Variants in ERCC1 observed in about 807,000 individuals in gnomAD.
The protein encoded by ERCC1 is ERCC excision repair 1, endonuclease non-catalytic subunit.
In ERCC1, 36 loss-of-function variants were observed where a neutral mutation model predicts 37.6. The ratio of observed to expected loss-of-function variants is 0.96; its 90% CI spans 0.73 to 1.26. The LOEUF is 1.26. Among genes scored for constraint, ERCC1 ranks in the 50% most tolerant of loss-of-function variants. The pLI is 0.00. For missense variants in ERCC1, 349 were observed against 376.5 expected (o/e 0.93, Z 0.60); for synonymous variants, 156 against 162.1 (o/e 0.96, Z 0.28).
chr19:45,416,728 G>T, intron 6 of ERCC1, 93 bp downstream of exon 6: 1 of 903,046 alleles, frequency 1.1e-6, no homozygotes, highest in South Asian at 1.4e-5. Context: ...GCCCACACAG[G>T]AAGGAGAAGG....
intron 5 of ERCC1, among the ~76,000 whole-genome samples, chr19:45,417,338 G>A (rs1170681563): frequency 6.6e-6 from 1 of 152,140 alleles, no homozygotes; most frequent in African/African-American, 2.4e-5. Context: ...CCAGGGCTGC[G>A]ATGTGGGAGC....
At chr19:45,427,239 T>C (rs997757508), upstream of ERCC1, among the ~76,000 whole-genome samples, 5 of 152,082 alleles carry the variant, frequency 3.3e-5, no homozygotes, top group Admixed American at 1.3e-4. Flanking sequence ...TTAGAAGATA[T>C]AGGGGCCAGG....
At chr19:45,426,592 C>G (rs569394389), upstream of ERCC1, among the ~76,000 whole-genome samples, 1 of 150,994 alleles carries the variant, frequency 6.6e-6, no homozygotes, top group African/African-American at 2.4e-5. Context: ...AGGTCTTGAT[C>G]TATTGCCCAG....
intron 9 of ERCC1, chr19:45,413,443 A>G (rs1289066579): frequency 3.9e-6 from 3 of 774,622 alleles, no homozygotes; most frequent in Non-Finnish European, 6.5e-6. Context: ...ATGCCCAGCT[A>G]GTTTTTTTTA....
rs371196003 is a variant in ERCC1, at chr19:45,414,963, G to A, written c.603-3C>T. 1.3e-5 allele frequency: 21 copies of A among 1,610,232 alleles called. No homozygotes were observed. Among genetic ancestry groups the A allele is most frequent in the Admixed American group, 5.0e-5 (3 of 59,968 alleles). ...GGTACCGCCCAGCTTCCTCGGGGCT[G>A]GGATAACAGGATACAGGGCAGCCGG... On this transcript the variant is annotated splice_polypyrimidine_tract_variant and splice_region_variant and intron_variant, in intron 6 of 9. Transcript: ENST00000300853.
intron 9 of ERCC1, among the ~76,000 whole-genome samples, chr19:45,412,151 G>A (rs1197859597): frequency 2.8e-5 from 4 of 142,498 alleles, no homozygotes; most frequent in Non-Finnish European, 6.1e-5. Flanking sequence ...GAGCCACCAT[G>A]CCCGGCCTAT....
rs1326872098 is a variant in ERCC1 at position 45,409,514 on chromosome 19, A to G, written c.*161T>C. The G allele has an allele frequency of 3.8e-6, 6 of 1,594,182 alleles. No homozygotes were observed. Among genetic ancestry groups the G allele is most frequent in the Non-Finnish European group, 5.1e-6 (6 of 1,171,224 alleles). ...GCAGCCTGTGTAGTCTGCCCCCGGGAAACTGAGGAACTAAAGAAAGCTGAA... is the reference window on the plus strand; with the variant it reads ...GCAGCCTGTGTAGTCTGCCCCCGGGGAACTGAGGAACTAAAGAAAGCTGAA... On this transcript the variant is annotated 3_prime_UTR_variant, in exon 10 of 10. Coordinates refer to ENST00000300853, the MANE Select transcript of ERCC1 (RefSeq NM_001983.4).
chr19:45,431,982 A>AT (rs1974844748), intron 1 of ERCC1, among the ~76,000 whole-genome samples: 1 of 151,748 alleles, frequency 6.6e-6, no homozygotes, highest in Non-Finnish European at 1.5e-5. Context: ...TTATTTTTTT[A>AT]TTTTTTTGAG....
chr19:45,444,644 A>C (rs1033911775), intron 1 of ERCC1, among the ~76,000 whole-genome samples: 1 of 152,222 alleles, frequency 6.6e-6, no homozygotes, highest in African/African-American at 2.4e-5. Flanking sequence ...ATTCGGAGAC[A>C]TGCGTGGAGG....
In ERCC1 at chr19:45,409,568, C is replaced by T. The variant is rs1367422239; in HGVS notation, c.*107G>A. ...GCCCACCTGGGCCACCAGAAGGTGA[C>T]ACCCCCAGAATCCCTCCCCAGAGAC... On this transcript the variant is annotated 3_prime_UTR_variant, in exon 10 of 10. Coordinates refer to ENST00000300853, the MANE Select transcript of ERCC1 (RefSeq NM_001983.4). 1 of 1,573,134 alleles carries T rather than the reference C, an allele frequency of 6.4e-7. No homozygotes were observed. Among genetic ancestry groups the T allele is most frequent in the Non-Finnish European group, 8.6e-7 (1 of 1,159,338 alleles).
rs1039161230 is a variant in ERCC1, at chr19:45,413,889, G to A, written c.774+74C>T. 5.1e-6 allele frequency: 8 copies of A among 1,574,532 alleles called. No individual in the cohort carries two copies. In the Middle Eastern group the frequency reaches 6.7e-4, roughly 132 times the overall value. On this transcript the variant is annotated intron_variant, in intron 8 of 9. Coordinates refer to ENST00000300853, the MANE Select transcript of ERCC1 (RefSeq NM_001983.4). Reference sequence around the variant, plus strand: ...GCAAGGGGTGGGCAGGGAGATGGAAGGAAATGGGTGACAGGCTTTCTAAAA... The same window carrying A: ...GCAAGGGGTGGGCAGGGAGATGGAAAGAAATGGGTGACAGGCTTTCTAAAA...
intron 1 of ERCC1, among the ~76,000 whole-genome samples, chr19:45,438,127 G>A (rs533907291): frequency 6.6e-6 from 1 of 152,254 alleles, no homozygotes; most frequent in Non-Finnish European, 1.5e-5. Context: ...AGCCAGGATG[G>A]TGTCGATCTC....
chr19:45,430,988 C>T (rs1277063071), intron 1 of ERCC1, among the ~76,000 whole-genome samples: 1 of 152,072 alleles, frequency 6.6e-6, no homozygotes, highest in Admixed American at 6.6e-5. Context: ...GGGGTCTCAG[C>T]CTTCCCCAGG....
At chr19:45,446,086 T>C (rs1226158618) in intron 1 of ERCC1, among the ~76,000 whole-genome samples, 2 of 151,290 alleles carry the variant, frequency 1.3e-5, no homozygotes, top group Admixed American at 1.3e-4. Flanking sequence ...AGAGATGAGG[T>C]TTCACTCAAC....
chr19:45,428,771 G>A (rs1376806393), upstream of ERCC1, among the ~76,000 whole-genome samples: 1 of 150,906 alleles, frequency 6.6e-6, no homozygotes, highest in East Asian at 2.0e-4. Context: ...CAGTGACCAG[G>A]CTGGCGTCCC....
At chr19:45,433,440 C>T (rs1232479433) in intron 1 of ERCC1, among the ~76,000 whole-genome samples, 1 of 152,010 alleles carries the variant, frequency 6.6e-6, no homozygotes, top group African/African-American at 2.4e-5. Flanking sequence ...GCACGAGAAT[C>T]GCTTGAACCT....
intron 1 of ERCC1, among the ~76,000 whole-genome samples, chr19:45,435,152 C>T (rs1974943284): frequency 6.6e-6 from 1 of 152,010 alleles, no homozygotes; most frequent in African/African-American, 2.4e-5. Flanking sequence ...CTCCTGACTT[C>T]ATGATCCATC....
chr19:45,409,024 G>A lies in ERCC1; in HGVS notation c.*651C>T, dbSNP rs140434179. On this transcript the variant is annotated 3_prime_UTR_variant, in exon 10 of 10. Transcript: ENST00000300853. ...CGGAGGCGATGGAGCCAGTGGAGCC[G>A]GAGATGAAGCCTCTGGAGTCCCCAG... 239 of 1,614,086 alleles carry A rather than the reference G, an allele frequency of 1.5e-4. No individual in the cohort carries two copies. The highest frequency in any genetic ancestry group is 1.8e-4 in the Non-Finnish European group (208 of 1,180,008).
intron 2 of ERCC1, among the ~76,000 whole-genome samples, chr19:45,421,814 G>A (rs1974451299): frequency 6.6e-6 from 1 of 151,822 alleles, no homozygotes; most frequent in Admixed American, 6.6e-5. Context: ...TGTATTTTTA[G>A]TAGAGACAGG....
Sources: allele counts gnomAD v4.1 joint callset (sites outside exome capture counted in the v4.1 genomes callset), GRCh38; gene constraint gnomAD v4.1.1; transcripts MANE v1.5; gene names NCBI Gene and HGNC (gene_info 2026-07-23, HGNC 2026-07-21).